Variants in REG1B observed in about 807,000 individuals in gnomAD.
The protein encoded by REG1B is regenerating family member 1 beta, also known as lithostathine-1-beta.
In REG1B, 21 loss-of-function variants were observed where a neutral mutation model predicts 20.4. That is an observed-to-expected ratio of 1.03 (90% CI 0.73 to 1.48). The LOEUF is 1.48. REG1B is among the 40% of genes most tolerant of loss of function. REG1B has a pLI of 0.00. For synonymous variants in REG1B, 82 were observed against 73.4 expected, an observed-to-expected ratio of 1.12 and a Z score of -0.60; for missense variants, 247 against 197.2, an observed-to-expected ratio of 1.25 and a Z score of -1.51.
At chr2:79,086,690 G>A (rs1010419600) in intron 3 of REG1B, 122 bp downstream of exon 3, 11 of 1,304,538 alleles carry the variant, frequency 8.4e-6, no homozygotes, top group Non-Finnish European at 1.1e-5. Context: ...GGGAAGTTTG[G>A]GACCAGTGGT....
At chr2:79,086,663 A>T in intron 3 of REG1B, 149 bp downstream of exon 3, 1 of 1,306,696 alleles carries the variant, frequency 7.7e-7, no homozygotes, top group South Asian at 1.2e-5. Context: ...GTGTCAAATG[A>T]TGGGATAAAG....
intron 4 of REG1B, chr2:79,086,141 T>G: frequency 1.9e-6 from 1 of 529,720 alleles, no homozygotes; most frequent in Non-Finnish European, 3.3e-6. Context: ...GTAGACACAA[T>G]GAGTGGGTGC....
Position 79,087,544 on chromosome 2 carries a change from C to G in REG1B, c.64+5G>C, listed in dbSNP as rs1432197205. ...GGTTGTGGGAAGTGTGGGGGAAAAT[C>G]TCACCTTGGCTCAGAGACAGGAACA... is the stretch of plus-strand genomic sequence containing the variant. On this transcript the variant is annotated splice_donor_5th_base_variant and intron_variant, in intron 2 of 5. Coordinates refer to ENST00000305089, the MANE Select transcript of REG1B (RefSeq NM_006507.4). The G allele has an allele frequency of 1.9e-6, 3 of 1,613,464 alleles. No homozygotes were observed. The highest frequency in any genetic ancestry group is 2.5e-6 in the Non-Finnish European group (3 of 1,179,800).
intron 4 of REG1B, 188 bp from the exon 5 acceptor site, chr2:79,085,791 CT>C: frequency 2.2e-6 from 1 of 445,570 alleles, no homozygotes; most frequent in Non-Finnish European, 4.0e-6. Flanking sequence ...GTCCGAATTC[CT>C]CCTCCTCTTC....
At chr2:79,086,298 C>G in intron 4 of REG1B, 69 bp downstream of exon 4, 1 of 1,534,266 alleles carries the variant, frequency 6.5e-7, no homozygotes, top group Non-Finnish European at 9.0e-7. Flanking sequence ...GATTGCGGTG[C>G]CAGACCTTAA....
intron 2 of REG1B, 177 bp from the exon 3 acceptor site, chr2:79,087,107 G>A: frequency 1.6e-6 from 1 of 608,668 alleles, no homozygotes; most frequent in Non-Finnish European, 2.9e-6. Context: ...AGTTTCCTCT[G>A]CTCAAGACAA....
intron 5 of REG1B, 100 bp downstream of exon 5, chr2:79,085,392 G>C (rs561745207): frequency 2.2e-6 from 3 of 1,352,672 alleles, no homozygotes; most frequent in South Asian, 1.2e-5. Flanking sequence ...TTATTTTCCA[G>C]ATAAGGAGCT....
Position 79,086,488 on chromosome 2 carries a change from A to G in REG1B, c.200T>C (p.Met67Thr). 6.2e-7 allele frequency: 1 copy of G among 1,613,802 alleles called. No individual in the cohort carries two copies. Among genetic ancestry groups the G allele is most frequent in the African/African-American group, 1.3e-5 (1 of 75,030 alleles). Residue 67 changes from methionine to threonine, a missense_variant, in exon 4 of 6, where the codon ATG becomes ACG. Physicochemically the swap from Met to Thr is moderately conservative, Grantham distance 81 (BLOSUM62 -1). Coordinates refer to ENST00000305089, the MANE Select transcript of REG1B (RefSeq NM_006507.4). Reference protein sequence around the residue: ...WVDADLYCQNMNSGNLVSVLT... With the variant: ...WVDADLYCQNTNSGNLVSVLT... ...CACAGACACCAGGTTGCCTGAATTCATGTTCTGGCAATAGAGCTGTTGGAG... is the reference window on the plus strand; with the variant it reads ...CACAGACACCAGGTTGCCTGAATTCGTGTTCTGGCAATAGAGCTGTTGGAG...
chr2:79,086,234 A>G (rs925654590), intron 4 of REG1B, 133 bp downstream of exon 4: 2 of 891,612 alleles, frequency 2.2e-6, no homozygotes, highest in African/African-American at 3.4e-5. Flanking sequence ...CATACATTAT[A>G]GGATCTATAA....
In REG1B at chr2:79,085,187, A is replaced by T. The variant is rs1332492687; in HGVS notation, c.*29T>A. ...TTGACTTCATAGTAATTGCAGGACC[A>T]GTTCTAGACATCCATTTTTCAGCTT... On this transcript the variant is annotated 3_prime_UTR_variant, in exon 6 of 6. Transcript: ENST00000305089. 1 of 1,542,508 alleles carries T rather than the reference A, an allele frequency of 6.5e-7. No individual in the cohort carries two copies. The highest frequency in any genetic ancestry group is 9.0e-7 in the Non-Finnish European group (1 of 1,114,750).
Position 79,085,571 on chromosome 2 carries a change from C to T in REG1B, c.354G>A (p.Leu118=). 1 of 1,613,634 alleles carries T rather than the reference C, an allele frequency of 6.2e-7. No individual in the cohort carries two copies. Among genetic ancestry groups the T allele is most frequent in the African/African-American group, 1.3e-5 (1 of 75,006 alleles). ...NRRWHWSSGS[L]VSYKSWDTGS... ...CAGTGTCCCAGGACTTGTAGGAGAC[C>T]AGGGACCCACTACTCCAGTGCCAGC... Residue 118 remains leucine (L), a synonymous_variant, in exon 5 of 6, where the codon CTG becomes CTA. Transcript: ENST00000305089.
chr2:79,086,741 G>T, intron 3 of REG1B, 71 bp downstream of exon 3: 3 of 1,446,702 alleles, frequency 2.1e-6, no homozygotes, highest in Non-Finnish European at 2.9e-6. Flanking sequence ...TGCAGCCACA[G>T]AACACACTGC....
At position 79,086,678 on chromosome 2, in the gene REG1B, T is replaced by C; in HGVS notation, c.183+134A>G. On this transcript the variant is annotated intron_variant, in intron 3 of 5. Transcript: ENST00000305089. The stretch of plus-strand genomic sequence containing the variant: ...GTGTCAAATGATGGGATAAAGTAGA[T>C]TGGGAAGTTTGGGACCAGTGGTGGA... 6 of 1,290,282 alleles carry C rather than the reference T, an allele frequency of 4.7e-6. No homozygotes were observed. In the South Asian group the frequency reaches 4.8e-5, roughly 10 times the overall value. The allele number at this position is 1,290,282 out of a possible 1,614,324, so 79.9% of individuals were successfully genotyped here.
Position 79,086,442 on chromosome 2 carries a change from G to A in REG1B, c.246C>T (p.Ala82=), listed in dbSNP as rs941113368. Residue 82 remains alanine (A), a synonymous_variant, in exon 4 of 6, where the codon GCC becomes GCT. Transcript: ENST00000305089. ...LVSVLTQAEG[A]FVASLIKESS... Reference sequence around the variant, plus strand: ...TCTCCTTAATCAGTGAGGCCACGAAGGCACCCTCCGCCTGGGTGAGCACAG... The same window carrying A: ...TCTCCTTAATCAGTGAGGCCACGAAAGCACCCTCCGCCTGGGTGAGCACAG... 1.2e-5 allele frequency: 20 copies of A among 1,613,930 alleles called. No homozygotes were observed. Among genetic ancestry groups the A allele is most frequent in the Non-Finnish European group, 1.6e-5 (19 of 1,180,002 alleles).
chr2:79,087,562 C>A lies in REG1B; in HGVS notation c.51G>T (p.Leu17=). The change falls in exon 2 of 6, where the codon CTG becomes CTT. Residue 17 remains leucine (L), a synonymous_variant. Coordinates refer to ENST00000305089, the MANE Select transcript of REG1B (RefSeq NM_006507.4). ...GGAAAATCTCACCTTGGCTCAGAGA[C>A]AGGAACATCAGGGAGGAGATCAGCA... ...FFMLISSLMF[L]SLSQGQESQT... is the part of the protein sequence containing the mutation. The A allele has an allele frequency of 1.2e-6, 2 of 1,613,760 alleles. No homozygotes were observed. The highest frequency in any genetic ancestry group is 1.7e-6 in the Non-Finnish European group (2 of 1,179,866).
chr2:79,085,425 C>G (rs551038353), intron 5 of REG1B, 67 bp downstream of exon 5: 4 of 1,400,106 alleles, frequency 2.9e-6, no homozygotes, highest in East Asian at 2.3e-5. Context: ...ATCCCAGTCC[C>G]CATGTTCATC....
rs1672403792 is a variant in REG1B, at chr2:79,086,595, G to A, written c.184-91C>T. On this transcript the variant is annotated intron_variant, in intron 3 of 5. Transcript: ENST00000305089. Reference sequence around the variant, plus strand: ...CAGAGGATGTAACAGAAAAAGGACAGCACAGAAATGTCCCTGATGATGCTG... The same window carrying A: ...CAGAGGATGTAACAGAAAAAGGACAACACAGAAATGTCCCTGATGATGCTG... 3 of 1,509,490 alleles carry A rather than the reference G, an allele frequency of 2.0e-6. No individual in the cohort carries two copies. The African/African-American group carries it at 4.1e-5, about 21-fold the overall frequency. The allele number at this position is 1,509,490 out of a possible 1,614,324, so 93.5% of individuals were successfully genotyped here. A position where few individuals can be genotyped will look rare whatever the true frequency, so the allele number is the denominator to read the frequency against.
At position 79,086,494 on chromosome 2, in the gene REG1B, T is replaced by C. The variant is rs1573185354; in HGVS notation, c.194A>G (p.Gln65Arg). The C allele has an allele frequency of 6.2e-7, 1 of 1,613,700 alleles. No homozygotes were observed. Among genetic ancestry groups the C allele is most frequent in the Non-Finnish European group, 8.5e-7 (1 of 1,179,962 alleles). Residue 65 changes from glutamine to arginine, a missense_variant, in exon 4 of 6, where the codon CAG becomes CGG. Gln to Arg is a conservative substitution (Grantham distance 43). Coordinates refer to ENST00000305089, the MANE Select transcript of REG1B (RefSeq NM_006507.4). ...CACCAGGTTGCCTGAATTCATGTTC[T>C]GGCAATAGAGCTGTTGGAGAAGAAA... ...ETWVDADLYC[Q>R]NMNSGNLVSV...
At position 79,086,510 on chromosome 2, in the gene REG1B, G is replaced by A. The variant is rs1373464238; in HGVS notation, c.184-6C>T. ...TTCATGTTCTGGCAATAGAGCTGTT[G>A]GAGAAGAAAATGGAGCACTCAGTGG... On this transcript the variant is annotated splice_region_variant and splice_polypyrimidine_tract_variant and intron_variant, in intron 3 of 5. Coordinates refer to ENST00000305089, the MANE Select transcript of REG1B (RefSeq NM_006507.4). 2 of 1,613,208 alleles carry A rather than the reference G, an allele frequency of 1.2e-6. No individual in the cohort carries two copies. Among genetic ancestry groups the A allele is most frequent in the East Asian group, 2.2e-5 (1 of 44,874 alleles).
Sources: allele counts gnomAD v4.1 joint callset, GRCh38; gene constraint gnomAD v4.1.1; transcripts MANE v1.5; gene names NCBI Gene and HGNC (gene_info 2026-07-23, HGNC 2026-07-21).